The following AGTPBP1 variants were observed in gnomAD, a reference collection of about 807,000 sequenced individuals.
The protein encoded by AGTPBP1 is ATP/GTP binding carboxypeptidase 1.
AGTPBP1 carries 70 observed loss-of-function variants against 143.9 expected under a neutral mutation model. The ratio of observed to expected loss-of-function variants is 0.49; its 90% CI spans 0.40 to 0.59. The LOEUF is 0.59. Ranked by LOEUF, AGTPBP1 falls within the 20% of genes least tolerant of loss-of-function variation. The pLI, the probability that AGTPBP1 is intolerant of heterozygous loss-of-function variation, is 0.00. For synonymous variants in AGTPBP1, 463 were observed against 500.2 expected, an observed-to-expected ratio of 0.93 and a Z score of 0.99; for missense variants, 1,229 against 1,464.5, an observed-to-expected ratio of 0.84 and a Z score of 2.62.
At chr9:85,720,083 T>C (rs1348989351) in intron 1 of AGTPBP1, among the ~76,000 whole-genome samples, 3 of 152,244 alleles carry the variant, frequency 2.0e-5, no homozygotes, top group Non-Finnish European at 2.9e-5. Context: ...TTGAGGATTT[T>C]TGCATCGATG....
chr9:85,609,034 T>C (rs1830152939), intron 17 of AGTPBP1, among the ~76,000 whole-genome samples: 1 of 152,106 alleles, frequency 6.6e-6, no homozygotes, highest in Non-Finnish European at 1.5e-5. Context: ...GTTGTAAATA[T>C]GGAAAGAAAA....
chr9:85,667,736 T>C (rs1394571061), intron 8 of AGTPBP1, among the ~76,000 whole-genome samples: 6 of 152,148 alleles, frequency 3.9e-5, no homozygotes, highest in Non-Finnish European at 4.4e-5. Flanking sequence ...ATAGTCATTG[T>C]AAGCCAGAAC....
At chr9:85,758,927 T>G in the AGTPBP1 span, among the ~76,000 whole-genome samples, 1 of 152,044 alleles carries the variant, frequency 6.6e-6, no homozygotes, top group African/African-American at 2.4e-5. Flanking sequence ...TGGAGGAAGA[T>G]ATACCAAGCA....
intron 6 of AGTPBP1, among the ~76,000 whole-genome samples, chr9:85,675,448 G>C (rs12349780): frequency 0.046 from 7,014 of 152,080 alleles, 555 homozygotes; most frequent in African/African-American, 0.16. Flanking sequence ...AACTAAGATT[G>C]TAAGTTTCCT....
intron 14 of AGTPBP1, among the ~76,000 whole-genome samples, chr9:85,622,477 TA>T (rs1830996433): frequency 6.6e-6 from 1 of 152,000 alleles, no homozygotes; most frequent in African/African-American, 2.4e-5. Context: ...AATTAAAAAT[TA>T]CCAGGAAAAT....
intron 25 of AGTPBP1, among the ~76,000 whole-genome samples, chr9:85,559,330 CAGTG>C (rs1388666475): frequency 6.6e-6 from 1 of 151,378 alleles, no homozygotes; most frequent in East Asian, 1.9e-4. Flanking sequence ...GAATAGTCGA[CAGTG>C]AGCATTATTG....
chr9:85,688,926 T>C (rs1835667790), intron 3 of AGTPBP1, among the ~76,000 whole-genome samples: 1 of 152,216 alleles, frequency 6.6e-6, no homozygotes, highest in African/African-American at 2.4e-5. Flanking sequence ...ATATGTATCC[T>C]TCCTTTTATT....
intron 17 of AGTPBP1, among the ~76,000 whole-genome samples, chr9:85,605,911 A>T (rs1192023701): frequency 6.6e-6 from 1 of 152,046 alleles, no homozygotes; most frequent in African/African-American, 2.4e-5. Flanking sequence ...CACAGAAAAT[A>T]AAAAAAGAAA....
chr9:85,608,519 GA>G (rs766734155), intron 17 of AGTPBP1, among the ~76,000 whole-genome samples: 8 of 151,784 alleles, frequency 5.3e-5, no homozygotes, highest in Non-Finnish European at 8.8e-5. Flanking sequence ...CTTCTTATGT[GA>G]AGAAGATATA....
chr9:85,610,066 G>C (rs950128704), intron 17 of AGTPBP1, among the ~76,000 whole-genome samples: 3 of 152,202 alleles, frequency 2.0e-5, no homozygotes, highest in African/African-American at 4.8e-5. Flanking sequence ...GAGGAGACTT[G>C]AATTAACTAA....
At chr9:85,797,963 G>A in the AGTPBP1 span, among the ~76,000 whole-genome samples, 1 of 151,916 alleles carries the variant, frequency 6.6e-6, no homozygotes, top group Non-Finnish European at 1.5e-5. Context: ...CATAATCTCC[G>A]CTCACTGCAG....
chr9:85,689,161 A>G (rs1182321628), intron 3 of AGTPBP1, among the ~76,000 whole-genome samples: 1 of 152,146 alleles, frequency 6.6e-6, no homozygotes, highest in African/African-American at 2.4e-5. Flanking sequence ...TTCAATGTCT[A>G]CAATAAAGTT....
At chr9:85,775,261 C>A in the AGTPBP1 span, among the ~76,000 whole-genome samples, 3 of 151,908 alleles carry the variant, frequency 2.0e-5, no homozygotes, top group Non-Finnish European at 2.9e-5. Context: ...TGTGGTCACA[C>A]CACTGCACTC....
intron 11 of AGTPBP1, among the ~76,000 whole-genome samples, chr9:85,653,858 C>T (rs1209012103): frequency 6.6e-6 from 1 of 152,128 alleles, no homozygotes; most frequent in Non-Finnish European, 1.5e-5. Context: ...AAAAGTCTGT[C>T]GGTAATTTCA....
At chr9:85,737,741 A>T (rs1156809333) in intron 1 of AGTPBP1, among the ~76,000 whole-genome samples, 1 of 152,226 alleles carries the variant, frequency 6.6e-6, no homozygotes, top group Non-Finnish European at 1.5e-5. Flanking sequence ...AGAGCATGCA[A>T]AAATCCACTT....
At position 85,619,781 on chromosome 9, in the gene AGTPBP1, T is replaced by C. The variant is rs1004119052; in HGVS notation, c.2100-480A>G. ...AAATAAGCATTTACCATGTATCTACTAGGTGCCAGATACTGTTTGAGACAT... is the reference window on the plus strand; with the variant it reads ...AAATAAGCATTTACCATGTATCTACCAGGTGCCAGATACTGTTTGAGACAT... On this transcript the variant is annotated intron_variant, in intron 15 of 25. Coordinates refer to ENST00000357081, the MANE Select transcript of AGTPBP1 (RefSeq NM_001330701.2). Among the ~76,000 whole-genome samples, 7 of 152,224 alleles carry C rather than the reference T, an allele frequency of 4.6e-5. 1 individual carries two copies. The highest frequency in any genetic ancestry group is 4.1e-4 in the South Asian group (2 of 4,828).
At chr9:85,558,818 C>T (rs1427946110) in intron 25 of AGTPBP1, among the ~76,000 whole-genome samples, 1 of 152,150 alleles carries the variant, frequency 6.6e-6, no homozygotes, top group Non-Finnish European at 1.5e-5. Context: ...AGGGTTTCAC[C>T]ACGTTGCCCA....
At chr9:85,632,413 A>C (rs1171015997) in intron 14 of AGTPBP1, among the ~76,000 whole-genome samples, 2 of 152,220 alleles carry the variant, frequency 1.3e-5, no homozygotes, top group Non-Finnish European at 2.9e-5. Context: ...TTAATAGAAA[A>C]TTTCTAAACT....
intron 8 of AGTPBP1, among the ~76,000 whole-genome samples, chr9:85,665,414 A>ACAAGTTGATT (rs1834074007): frequency 6.6e-6 from 1 of 152,192 alleles, no homozygotes; most frequent in Admixed American, 6.6e-5. Context: ...GGCCCTGCTG[A>ACAAGTTGATT]CAAGTTGATT....
Sources: gnomAD v4.1 joint callset for allele counts (sites outside exome capture counted in the v4.1 genomes callset) on GRCh38, gnomAD v4.1.1 for gene constraint, MANE v1.5 for transcripts, NCBI Gene and HGNC (gene_info 2026-07-23, HGNC 2026-07-21) for gene names.